Variants in IL17RB observed in about 807,000 individuals in gnomAD.
The protein encoded by IL17RB is interleukin 17 receptor B, also known as interleukin-17 receptor B.
A neutral mutation model predicts 43.9 loss-of-function variants in IL17RB; 36 were observed. The ratio of observed to expected loss-of-function variants is 0.82; its 90% CI spans 0.63 to 1.08. The LOEUF is 1.08. Ranked by LOEUF, IL17RB falls within the 50% of genes least tolerant of loss-of-function variation. IL17RB has a pLI of 0.00. For missense variants in IL17RB, 613 were observed against 613.6 expected, an observed-to-expected ratio of 1.00 and a Z score of 0.01; for synonymous variants, 225 against 225.4, an observed-to-expected ratio of 1.00 and a Z score of 0.02.
At chr3:53,855,029 A>G (rs1699281549) in intron 5 of IL17RB, among the ~76,000 whole-genome samples, 1 of 149,938 alleles carries the variant, frequency 6.7e-6, no homozygotes, top group Non-Finnish European at 1.5e-5. Flanking sequence ...AGGCAGGAGA[A>G]TGGCGTGAAC....
At chr3:53,860,785 G>T (rs1213102909) in intron 10 of IL17RB, 1 of 151,974 alleles carries the variant, frequency 6.6e-6, no homozygotes, top group Non-Finnish European at 1.5e-5. Flanking sequence ...GAAGAAAAAG[G>T]TATGTCATAA....
At chr3:53,848,759 T>C (rs1265596224) in intron 2 of IL17RB, 71 bp downstream of exon 2, 31 of 1,482,618 alleles carry the variant, frequency 2.1e-5, no homozygotes, top group Non-Finnish European at 2.8e-5. Flanking sequence ...GGAAGCCTAA[T>C]ATAGGCAATA....
intron 3 of IL17RB, 131 bp from the exon 4 acceptor site, chr3:53,851,868 T>C (rs1054900369): frequency 5.8e-6 from 6 of 1,026,864 alleles, no homozygotes; most frequent in Non-Finnish European, 8.6e-6. Context: ...GAGACAGTGG[T>C]GCCTACCTTT....
Position 53,857,693 on chromosome 3 carries a change from A to G in IL17RB, c.747+3A>G, listed in dbSNP as rs1251741149. On this transcript the variant is annotated splice_donor_region_variant and intron_variant, in intron 8 of 10. Transcript: ENST00000288167. ...ATAGTGAAGGTGCTACGGTGCAGGT[A>G]AAGTTCAGTGAGCTGCTCTGGGGAG... 1 of 1,612,522 alleles carries G rather than the reference A, an allele frequency of 6.2e-7. No homozygotes were observed. The highest frequency in any genetic ancestry group is 1.3e-5 in the African/African-American group (1 of 74,944).
chr3:53,853,388 A>G (rs1350638723), intron 5 of IL17RB, among the ~76,000 whole-genome samples: 9 of 152,236 alleles, frequency 5.9e-5, no homozygotes, highest in African/African-American at 2.2e-4. Context: ...TTCTAGAGCA[A>G]TGCACCTGAG....
At chr3:53,846,759 C>A in intron 1 of IL17RB, 111 bp downstream of exon 1, 1 of 1,163,246 alleles carries the variant, frequency 8.6e-7, no homozygotes, top group Non-Finnish European at 1.2e-6. Context: ...GGACTGCCGG[C>A]TCAAGGGGCA....
At chr3:53,855,270 A>G in intron 5 of IL17RB, 24 bp from the exon 6 acceptor site, 1 of 1,572,446 alleles carries the variant, frequency 6.4e-7, no homozygotes. Context: ...TCTAAAATGT[A>G]AAAACTTTCA....
chr3:53,848,648 T>C lies in IL17RB; in HGVS notation c.61-16T>C. ...TGCCGGCTTCAACGTGACGCTTGGTTTTTTCTCTCCCACAGACCGTTCAAT... is the reference window on the plus strand; with the variant it reads ...TGCCGGCTTCAACGTGACGCTTGGTCTTTTCTCTCCCACAGACCGTTCAAT... On this transcript the variant is annotated splice_polypyrimidine_tract_variant and intron_variant, in intron 1 of 10. Coordinates refer to ENST00000288167, the MANE Select transcript of IL17RB (RefSeq NM_018725.4). The C allele has an allele frequency of 6.2e-7, 1 of 1,612,298 alleles. No homozygotes were observed. The highest frequency in any genetic ancestry group is 2.2e-5 in the East Asian group (1 of 44,814).
chr3:53,854,614 G>T (rs1441220540), intron 5 of IL17RB, among the ~76,000 whole-genome samples: 1 of 152,186 alleles, frequency 6.6e-6, no homozygotes, highest in Admixed American at 6.5e-5. Context: ...GGGGTCCATG[G>T]CACCCACATG....
rs547011975 is a variant in IL17RB, at chr3:53,857,844, C to T, written c.747+154C>T. Reference sequence around the variant, plus strand: ...CATGGGGGCTCTTTCGCTGCAGCCTCCACCGTGCTGAGGTCAGGAGGCCGA... The same window carrying T: ...CATGGGGGCTCTTTCGCTGCAGCCTTCACCGTGCTGAGGTCAGGAGGCCGA... On this transcript the variant is annotated intron_variant, in intron 8 of 10. Coordinates refer to ENST00000288167, the MANE Select transcript of IL17RB (RefSeq NM_018725.4). 86 of 701,870 alleles carry T rather than the reference C, an allele frequency of 1.2e-4. No homozygotes were observed. The Middle Eastern group carries it at 1.9e-3, about 15-fold the overall frequency. 43.5% of individuals were successfully genotyped at this position (701,870 alleles called of 1,614,324 possible).
chr3:53,861,139 T>A (rs1462358948), intron 10 of IL17RB: 2 of 152,180 alleles, frequency 1.3e-5, no homozygotes, highest in Admixed American at 1.3e-4. Flanking sequence ...GTAAATTACA[T>A]ATCACAGTAA....
intron 8 of IL17RB, chr3:53,858,477 G>C (rs1425189337): frequency 1.8e-5 from 25 of 1,363,962 alleles, no homozygotes; most frequent in Admixed American, 3.1e-5. Flanking sequence ...GAACTGGTAT[G>C]TTAGTAACGT....
chr3:53,855,116 C>CAAAAAAAAA (rs746854673), intron 5 of IL17RB, among the ~76,000 whole-genome samples, 178 bp from the exon 6 acceptor site: 1 of 69,404 alleles, frequency 1.4e-5, no homozygotes. Flanking sequence ...GACTCCGGCT[C>CAAAAAAAAA]AAAAAAAAAA....
At chr3:53,850,873 A>G (rs1344760626) in intron 3 of IL17RB, among the ~76,000 whole-genome samples, 1 of 152,196 alleles carries the variant, frequency 6.6e-6, no homozygotes, top group Non-Finnish European at 1.5e-5. Flanking sequence ...ACTGTAAGGA[A>G]GTATGAGGAG....
At chr3:53,855,525 G>A (rs1209840192) in intron 6 of IL17RB, among the ~76,000 whole-genome samples, 184 bp downstream of exon 6, 2 of 152,160 alleles carry the variant, frequency 1.3e-5, no homozygotes, top group African/African-American at 4.8e-5. Flanking sequence ...TGCCCACTGA[G>A]TGCAGCAGCC....
Position 53,864,736 on chromosome 3 carries a change from C to T in IL17RB, c.947-10C>T, listed in dbSNP as rs1207393769. ...GTTCACAGATAACAAATGCTTTTCT[C>T]CTCTCACAGAAAGGATCAAGAAGAC... On this transcript the variant is annotated splice_polypyrimidine_tract_variant and intron_variant, in intron 10 of 10. Transcript: ENST00000288167. The T allele has an allele frequency of 6.3e-7, 1 of 1,584,038 alleles. No homozygotes were observed. The highest frequency in any genetic ancestry group is 8.6e-7 in the Non-Finnish European group (1 of 1,164,188).
At position 53,850,758 on chromosome 3, in the gene IL17RB, CTG is replaced by C. The variant is rs376421705; in HGVS notation, c.226+966_226+967del. 2.9e-3 allele frequency among the ~76,000 whole-genome samples: 438 copies of C among 152,256 alleles called. 2 individuals are homozygous for C. Among genetic ancestry groups the C allele is most frequent in the African/African-American group, 1.0e-2 (415 of 41,534 alleles). On this transcript the variant is annotated intron_variant, in intron 3 of 10. Coordinates refer to ENST00000288167, the MANE Select transcript of IL17RB (RefSeq NM_018725.4). ...AGGTGGAGGTTGCAGTGAGTTGAGACTGTGCCATTGCACTCCTGCCTGGGTGA... is the reference window on the plus strand; with the variant it reads ...AGGTGGAGGTTGCAGTGAGTTGAGACTGCCATTGCACTCCTGCCTGGGTGA...
At chr3:53,860,351 G>A (rs1236027785) in intron 10 of IL17RB, 123 bp downstream of exon 10, 3 of 690,890 alleles carry the variant, frequency 4.3e-6, no homozygotes, top group African/African-American at 1.8e-5. Flanking sequence ...TAGCATTTAT[G>A]TAATACCTTC....
intron 9 of IL17RB, chr3:53,859,228 C>T: frequency 6.4e-6 from 1 of 157,266 alleles, no homozygotes; most frequent in Middle Eastern, 3.2e-3. Flanking sequence ...GGTCACATGG[C>T]CAACATTTGG....
Sources: gnomAD v4.1 joint callset for allele counts (sites outside exome capture counted in the v4.1 genomes callset) on GRCh38, gnomAD v4.1.1 for gene constraint, MANE v1.5 for transcripts, NCBI Gene and HGNC (gene_info 2026-07-23, HGNC 2026-07-21) for gene names.